ISM1: variants seen among roughly 807,000 people sequenced by gnomAD.
ISM1 encodes isthmin 1, also known as isthmin-1.
In ISM1, 25 loss-of-function variants were observed where a neutral mutation model predicts 46.3. That is an observed-to-expected ratio of 0.54 (90% CI 0.39 to 0.75). The LOEUF (loss-of-function observed/expected upper bound fraction) is 0.75. Among genes scored for constraint, ISM1 ranks in the 30% least tolerant of loss-of-function variants. The probability of loss-of-function intolerance (pLI) is 0.00; values close to 1 mark genes in which losing one functional copy is unlikely to be tolerated. For missense variants in ISM1, 536 were observed against 625.4 expected (o/e 0.86, Z 1.52); for synonymous variants, 255 against 256.7 (o/e 0.99, Z 0.06).
chr20:13,273,309 G>T (rs200439965), intron 2 of ISM1, among the ~76,000 whole-genome samples: 2 of 144,872 alleles, frequency 1.4e-5, no homozygotes, highest in Non-Finnish European at 3.0e-5. Flanking sequence ...ATCATGGCTT[G>T]TTGAGGCCTT....
chr20:13,281,506 T>C (rs2040237995), intron 3 of ISM1, among the ~76,000 whole-genome samples: 1 of 152,220 alleles, frequency 6.6e-6, no homozygotes. Context: ...CTGAAGCAGA[T>C]ACTGCACTTT....
At chr20:13,307,328 T>C in the ISM1 span, among the ~76,000 whole-genome samples, 1 of 152,166 alleles carries the variant, frequency 6.6e-6, no homozygotes. Context: ...CACACACGTA[T>C]CATAAGTTCA....
chr20:13,295,833 G>A (rs1291498246), intron 5 of ISM1, among the ~76,000 whole-genome samples: 2 of 152,216 alleles, frequency 1.3e-5, no homozygotes, highest in Non-Finnish European at 2.9e-5. Context: ...CAGCCAGGGG[G>A]TGGATGTTAA....
chr20:13,237,082 G>T (rs994889756), intron 1 of ISM1, among the ~76,000 whole-genome samples: 1 of 152,186 alleles, frequency 6.6e-6, no homozygotes, highest in African/African-American at 2.4e-5. Flanking sequence ...CTTCTGCACT[G>T]CCCTAGAAGA....
At chr20:13,227,693 A>T (rs1436276444) in intron 1 of ISM1, among the ~76,000 whole-genome samples, 1 of 135,758 alleles carries the variant, frequency 7.4e-6, no homozygotes, top group Admixed American at 7.3e-5. Context: ...TATTTTTAGT[A>T]GAGACGGGGT....
At position 13,252,035 on chromosome 20, in the gene ISM1, T is replaced by G. The variant is rs539998402; in HGVS notation, c.139-18469T>G. ...GGAAAGCAAAGCTCTGGTTGCTACA[T>G]GAGCTTTCCAGTTGGGGGCTGTGAG... On this transcript the variant is annotated intron_variant, in intron 1 of 5. Transcript: ENST00000262487. Among the ~76,000 whole-genome samples, 3 of 152,324 alleles carry G rather than the reference T, an allele frequency of 2.0e-5. No individual in the cohort carries two copies. The East Asian group carries it at 5.8e-4, about 29-fold the overall frequency.
At chr20:13,275,667 G>C (rs945771231) in intron 2 of ISM1, among the ~76,000 whole-genome samples, 2 of 152,208 alleles carry the variant, frequency 1.3e-5, no homozygotes, top group Admixed American at 1.3e-4. Context: ...ATATATAAGT[G>C]TGATTATCTG....
chr20:13,287,158 G>A (rs1271064298), intron 3 of ISM1, among the ~76,000 whole-genome samples: 4 of 152,166 alleles, frequency 2.6e-5, no homozygotes, highest in East Asian at 1.9e-4. Flanking sequence ...AGACATACCC[G>A]AGACTGGGTA....
chr20:13,267,351 G>T (rs1049406404), intron 1 of ISM1, among the ~76,000 whole-genome samples: 3 of 152,202 alleles, frequency 2.0e-5, no homozygotes, highest in African/African-American at 4.8e-5. Flanking sequence ...CCACAGTTGT[G>T]TGCATAACTG....
At chr20:13,311,243 T>TGATAGATAGATAGATA in the ISM1 span, among the ~76,000 whole-genome samples, 1 of 127,860 alleles carries the variant, frequency 7.8e-6, no homozygotes, top group South Asian at 2.7e-4. Flanking sequence ...GATAGATAGA[T>TGATAGATAGATAGATA]GATAGATAGA....
rs185932375 is a variant in ISM1 at position 13,248,352 on chromosome 20, T to A, written c.139-22152T>A. ...TGTGTGAACTGTCTTGGAAGAACCA[T>A]GTCACTGGAAAATTTGATATTCTTT... On this transcript the variant is annotated intron_variant, in intron 1 of 5. Coordinates refer to ENST00000262487, the MANE Select transcript of ISM1 (RefSeq NM_080826.2). Among the ~76,000 whole-genome samples, 9 of 152,306 alleles carry A rather than the reference T, an allele frequency of 5.9e-5. No homozygotes were observed. In the East Asian group the frequency reaches 1.7e-3, roughly 29 times the overall value.
At chr20:13,295,211 C>G (rs995227754) in intron 5 of ISM1, among the ~76,000 whole-genome samples, 1 of 152,198 alleles carries the variant, frequency 6.6e-6, no homozygotes, top group African/African-American at 2.4e-5. Context: ...CTCTTCTGAT[C>G]CCACCTGCTG....
rs2040219309 is a variant in ISM1 at position 13,279,843 on chromosome 20, G to C, written c.588G>C (p.Trp196Cys). ...DSNFLNPPRGWDHTAPGHRTF... is the reference protein window; with the variant it reads ...DSNFLNPPRGCDHTAPGHRTF... Reference sequence around the variant, plus strand: ...ACTTCCTCAACCCCCCCAGGGGGTGGGACCATACAGCCCCAGGCCACCGGA... The same window carrying C: ...ACTTCCTCAACCCCCCCAGGGGGTGCGACCATACAGCCCCAGGCCACCGGA... The change falls in exon 3 of 6, where the codon TGG becomes TGC. Residue 196 changes from tryptophan (W) to cysteine (C), a missense_variant. Transcript: ENST00000262487. 2 of 1,613,808 alleles carry C rather than the reference G, an allele frequency of 1.2e-6. No homozygotes were observed. The highest frequency in any genetic ancestry group is 1.3e-5 in the African/African-American group (1 of 74,918).
intron 2 of ISM1, among the ~76,000 whole-genome samples, chr20:13,277,067 G>A (rs554777730): frequency 2.1e-4 from 32 of 152,172 alleles, no homozygotes; most frequent in Middle Eastern, 3.4e-3. Context: ...AGCTTTTGGA[G>A]TAAATTTGTA....
At chr20:13,259,482 T>C (rs1444351939) in intron 1 of ISM1, among the ~76,000 whole-genome samples, 2 of 152,012 alleles carry the variant, frequency 1.3e-5, no homozygotes, top group Non-Finnish European at 2.9e-5. Context: ...GTGAATCTCA[T>C]ACAAATAAAG....
At chr20:13,314,475 T>A in the ISM1 span, among the ~76,000 whole-genome samples, 5 of 151,530 alleles carry the variant, frequency 3.3e-5, no homozygotes, top group African/African-American at 4.8e-5. Context: ...GAGTGAAACA[T>A]TTAAAGTATT....
At chr20:13,246,272 CAAAA>C (rs34312426) in intron 1 of ISM1, among the ~76,000 whole-genome samples, 1 of 121,082 alleles carries the variant, frequency 8.3e-6, no homozygotes. Context: ...GACTCCATCT[CAAAA>C]AAAAAAAAAA....
intron 5 of ISM1, among the ~76,000 whole-genome samples, chr20:13,296,931 T>C (rs1188338946): frequency 2.6e-5 from 4 of 151,992 alleles, no homozygotes; most frequent in South Asian, 2.1e-4. Context: ...GGCAGGAGAA[T>C]TGCTTGAACC....
intron 2 of ISM1, among the ~76,000 whole-genome samples, chr20:13,278,755 G>A (rs2040207285): frequency 6.6e-6 from 1 of 152,222 alleles, no homozygotes; most frequent in African/African-American, 2.4e-5. Flanking sequence ...GCTTGTCTCT[G>A]CTCCATGTGA....
Sources: allele counts gnomAD v4.1 joint callset (sites outside exome capture counted in the v4.1 genomes callset), GRCh38; gene constraint gnomAD v4.1.1; transcripts MANE v1.5; gene names NCBI Gene and HGNC (gene_info 2026-07-23, HGNC 2026-07-21).